ADAMTS17: variants seen among roughly 807,000 people sequenced by gnomAD.
ADAMTS17 encodes A disintegrin and metalloproteinase with thrombospondin motifs 17.
ADAMTS17 carries 113 observed loss-of-function variants against 141.5 expected under a neutral mutation model. The ratio of observed to expected loss-of-function variants is 0.80; its 90% CI spans 0.69 to 0.93. The LOEUF (loss-of-function observed/expected upper bound fraction) is 0.93, where lower values mean the gene tolerates loss of function less well. Among genes scored for constraint, ADAMTS17 ranks in the 40% least tolerant of loss-of-function variants. The pLI, the probability that ADAMTS17 is intolerant of heterozygous loss-of-function variation, is 0.00. For synonymous variants in ADAMTS17, 768 were observed against 630.6 expected (o/e 1.22, Z -3.27); for missense variants, 1,659 against 1,517.9 (o/e 1.09, Z -1.54).
intron 6 of ADAMTS17, among the ~76,000 whole-genome samples, chr15:100,258,158 T>C (rs538911515): frequency 2.6e-3 from 394 of 152,358 alleles, no homozygotes; most frequent in Non-Finnish European, 3.8e-3. Flanking sequence ...TTGGCTGTCA[T>C]GAATAATGTT....
At chr15:100,001,782 C>A (rs1486862557) in intron 18 of ADAMTS17, among the ~76,000 whole-genome samples, 3 of 151,780 alleles carry the variant, frequency 2.0e-5, no homozygotes, top group African/African-American at 4.8e-5. Flanking sequence ...ATCAGCCTGG[C>A]CGGTATGGTG....
chr15:100,074,211 T>A (rs987701666), intron 15 of ADAMTS17: 1 of 152,742 alleles, frequency 6.5e-6, no homozygotes. Context: ...TCTAAATGCA[T>A]TGGTGAGCAC....
At chr15:100,091,269 C>A (rs1596397463) in intron 15 of ADAMTS17, among the ~76,000 whole-genome samples, 1 of 152,028 alleles carries the variant, frequency 6.6e-6, no homozygotes, top group South Asian at 2.1e-4. Context: ...CACCACACTG[C>A]CGAAGCATGA....
At chr15:100,113,331 C>G (rs184005162) in intron 13 of ADAMTS17, among the ~76,000 whole-genome samples, 3 of 152,168 alleles carry the variant, frequency 2.0e-5, no homozygotes, top group Non-Finnish European at 4.4e-5. Context: ...CCATTTGTGG[C>G]AAACACATTT....
intron 8 of ADAMTS17, among the ~76,000 whole-genome samples, chr15:100,192,176 C>T (rs1383387127): frequency 2.0e-5 from 3 of 152,216 alleles, no homozygotes; most frequent in Admixed American, 2.0e-4. Context: ...GCAGAGGAAA[C>T]GTATTCAGGA....
chr15:99,979,829 C>T (rs937803305), intron 20 of ADAMTS17: 3 of 152,226 alleles, frequency 2.0e-5, no homozygotes, highest in Non-Finnish European at 4.4e-5. Flanking sequence ...GTTTATAATG[C>T]ATAACTTTAA....
At chr15:100,210,111 G>T (rs2141709359) in intron 7 of ADAMTS17, among the ~76,000 whole-genome samples, 1 of 151,746 alleles carries the variant, frequency 6.6e-6, no homozygotes, top group East Asian at 1.9e-4. Context: ...GGCGCCTGTT[G>T]TCCCAGCCAC....
chr15:100,124,957 T>G (rs911314527), intron 12 of ADAMTS17, among the ~76,000 whole-genome samples: 5 of 151,888 alleles, frequency 3.3e-5, no homozygotes, highest in Non-Finnish European at 7.4e-5. Flanking sequence ...TCTTTGAGAG[T>G]GGATGGACAG....
chr15:100,066,225 T>C (rs1343334564), intron 15 of ADAMTS17, among the ~76,000 whole-genome samples: 1 of 152,214 alleles, frequency 6.6e-6, no homozygotes, highest in East Asian at 1.9e-4. Flanking sequence ...AGTGTGCTAA[T>C]AGCTTTTATC....
rs112324054 is a variant in ADAMTS17 at position 100,043,770 on chromosome 15, G to A, written c.2591+5087C>T. ...TGAAGTTTGCTGACCCCTGTTCTACGGAGATACTAAGAACTTGCTTCTGAA... is the reference window on the plus strand; with the variant it reads ...TGAAGTTTGCTGACCCCTGTTCTACAGAGATACTAAGAACTTGCTTCTGAA... On this transcript the variant is annotated intron_variant, in intron 18 of 21. Transcript: ENST00000268070. Among the ~76,000 whole-genome samples the A allele has an allele frequency of 4.9e-3, 744 of 152,352 alleles. 8 individuals carry two copies. Among genetic ancestry groups the A allele is most frequent in the African/African-American group, 0.017 (707 of 41,572 alleles).
rs190510764 is a variant in ADAMTS17 at position 100,156,065 on chromosome 15, C to T, written c.1182-745G>A. Among the ~76,000 whole-genome samples the T allele has an allele frequency of 9.1e-4, 138 of 152,254 alleles. 1 individual carries two copies. The highest frequency in any genetic ancestry group is 3.2e-3 in the African/African-American group (133 of 41,556). ...TCTTTCAACAATCTCAGTGGAACAACGACAACAAAAAAGAACATGTACTTT... is the reference window on the plus strand; with the variant it reads ...TCTTTCAACAATCTCAGTGGAACAATGACAACAAAAAAGAACATGTACTTT... On this transcript the variant is annotated intron_variant, in intron 8 of 21. Coordinates refer to ENST00000268070, the MANE Select transcript of ADAMTS17 (RefSeq NM_139057.4).
chr15:100,085,665 A>T (rs1354487544), intron 15 of ADAMTS17, among the ~76,000 whole-genome samples: 2 of 151,532 alleles, frequency 1.3e-5, no homozygotes, highest in East Asian at 2.0e-4. Flanking sequence ...AAACTCTATA[A>T]GCCAGAAGAG....
chr15:100,253,208 G>C (rs933869463), intron 7 of ADAMTS17, among the ~76,000 whole-genome samples: 2 of 151,236 alleles, frequency 1.3e-5, no homozygotes, highest in African/African-American at 2.4e-5. Context: ...GGGAAAACTG[G>C]AAACACCCTT....
chr15:100,286,355 G>A (rs2044448267), intron 3 of ADAMTS17, among the ~76,000 whole-genome samples: 1 of 152,132 alleles, frequency 6.6e-6, no homozygotes, highest in South Asian at 2.1e-4. Context: ...CGTGGCTGCT[G>A]GCACATATGA....
chr15:99,982,836 C>G (rs1422794322), intron 20 of ADAMTS17, among the ~76,000 whole-genome samples: 1 of 152,170 alleles, frequency 6.6e-6, no homozygotes, highest in African/African-American at 2.4e-5. Context: ...AGCAGGTGCC[C>G]ACAGCTGTGC....
chr15:100,127,412 G>A (rs551151607), intron 12 of ADAMTS17, among the ~76,000 whole-genome samples: 3 of 152,242 alleles, frequency 2.0e-5, no homozygotes, highest in South Asian at 2.1e-4. Context: ...AAGGGTTGCC[G>A]GGAGCCACGA....
chr15:100,081,688 C>A (rs1305726800), intron 15 of ADAMTS17, among the ~76,000 whole-genome samples: 1 of 152,226 alleles, frequency 6.6e-6, no homozygotes, highest in Admixed American at 6.5e-5. Context: ...AGCCAACCAA[C>A]ACTATACGAG....
At chr15:100,096,264 A>C in intron 15 of ADAMTS17, 92 bp downstream of exon 15, 1 of 1,592,188 alleles carries the variant, frequency 6.3e-7, no homozygotes, top group Admixed American at 1.7e-5. Flanking sequence ...TCTAGCCCTT[A>C]AATATGAAAT....
At chr15:100,098,457 G>C (rs550792612) in intron 14 of ADAMTS17, among the ~76,000 whole-genome samples, 17 of 152,208 alleles carry the variant, frequency 1.1e-4, no homozygotes, top group African/African-American at 4.1e-4. Flanking sequence ...GACCAGCCTG[G>C]TCAACATGGT....
Sources: allele counts gnomAD v4.1 joint callset (sites outside exome capture counted in the v4.1 genomes callset), GRCh38; gene constraint gnomAD v4.1.1; transcripts MANE v1.5; gene names NCBI Gene and HGNC (gene_info 2026-07-23, HGNC 2026-07-21).